The following IER3IP1 variants were observed in gnomAD, a reference collection of about 807,000 sequenced individuals.
IER3IP1 encodes immediate early response 3 interacting protein 1, also known as immediate early response 3-interacting protein 1.
IER3IP1 carries 16 observed loss-of-function variants against 12.2 expected under a neutral mutation model. The observed-to-expected ratio is 1.31, with a 90% CI of 0.89 to 1.99. The LOEUF is 1.99. IER3IP1 is among the 30% of genes most tolerant of loss of function. The pLI is 0.00. For synonymous variants in IER3IP1, 42 were observed against 40.0 expected, an observed-to-expected ratio of 1.05 and a Z score of -0.19; for missense variants, 95 against 95.8, an observed-to-expected ratio of 0.99 and a Z score of 0.03.
intron 1 of IER3IP1, among the ~76,000 whole-genome samples, chr18:47,159,710 A>G (rs2144425696): frequency 6.6e-6 from 1 of 152,286 alleles, no homozygotes; most frequent in African/African-American, 2.4e-5. Flanking sequence ...ATTCCTTAAG[A>G]GCTGGTTGGC....
At chr18:47,157,861 C>T (rs948308504) in intron 1 of IER3IP1, among the ~76,000 whole-genome samples, 1 of 152,062 alleles carries the variant, frequency 6.6e-6, no homozygotes, top group Non-Finnish European at 1.5e-5. Context: ...AAATACTTCT[C>T]AAGTCACAAC....
chr18:47,166,364 G>A (rs959798821), intron 1 of IER3IP1, among the ~76,000 whole-genome samples: 1 of 152,190 alleles, frequency 6.6e-6, no homozygotes, highest in Non-Finnish European at 1.5e-5. Flanking sequence ...GTGATGCTAT[G>A]ACCCATGGAG....
At chr18:47,163,091 C>T (rs1028012315) in intron 1 of IER3IP1, among the ~76,000 whole-genome samples, 1 of 151,914 alleles carries the variant, frequency 6.6e-6, no homozygotes, top group African/African-American at 2.4e-5. Context: ...CCTATATATA[C>T]TATATATATT....
chr18:47,156,040 C>A lies in IER3IP1; in HGVS notation c.*137G>T. 2 of 638,546 alleles carry A rather than the reference C, an allele frequency of 3.1e-6. No individual in the cohort carries two copies. Among genetic ancestry groups the A allele is most frequent in the African/African-American group, 1.9e-5 (1 of 53,426 alleles). The allele number at this position is 638,546 out of a possible 1,614,324, so 39.6% of individuals were successfully genotyped here. On this transcript the variant is annotated 3_prime_UTR_variant, in exon 3 of 3. Coordinates refer to ENST00000256433, the MANE Select transcript of IER3IP1 (RefSeq NM_016097.5). ...AAAAAAAAAAACAGATAAATAGAAACCCTGGTTTTATTTTCAGCTTTACAT... is the reference window on the plus strand; with the variant it reads ...AAAAAAAAAAACAGATAAATAGAAAACCTGGTTTTATTTTCAGCTTTACAT...
chr18:47,157,253 A>G, intron 2 of IER3IP1, 183 bp downstream of exon 2: 1 of 614,162 alleles, frequency 1.6e-6, no homozygotes, highest in Admixed American at 2.9e-5. Context: ...TGGCTTAGAT[A>G]GAAGTAAGAA....
chr18:47,168,550 G>C (rs1454681885), intron 1 of IER3IP1, among the ~76,000 whole-genome samples: 2 of 152,110 alleles, frequency 1.3e-5, no homozygotes, highest in Non-Finnish European at 2.9e-5. Flanking sequence ...CCTGTCTTTT[G>C]CTCAAATTGT....
chr18:47,165,248 C>T lies in IER3IP1; in HGVS notation c.92-7711G>A, dbSNP rs569567614. On this transcript the variant is annotated intron_variant, in intron 1 of 2. Coordinates refer to ENST00000256433, the MANE Select transcript of IER3IP1 (RefSeq NM_016097.5). ...TGCTAATGTAAGTTTTTAAAAAGTA[C>T]CTTTATCAGAAAGATCAATGGTGGC... Among the ~76,000 whole-genome samples the T allele has an allele frequency of 2.0e-5, 3 of 152,220 alleles. No individual in the cohort carries two copies. The South Asian group carries it at 6.2e-4, about 32-fold the overall frequency.
Position 47,168,125 on chromosome 18 carries a change from C to CA in IER3IP1, c.91+8061dup, listed in dbSNP as rs1161198067. On this transcript the variant is annotated intron_variant, in intron 1 of 2. Transcript: ENST00000256433. ...TGGGTGACAGAGCAAGACTCCGTCT[C>CA]AAAAAAAAAAAAAAAAAAAAAAAAA... Among the ~76,000 whole-genome samples the CA allele has an allele frequency of 2.9e-3, 73 of 25,126 alleles. 6 individuals are homozygous for CA. Among genetic ancestry groups the CA allele is most frequent in the East Asian group, 7.7e-3 (6 of 776 alleles). The allele number at this position is 25,126 out of a possible 152,430, so 16.5% of individuals were successfully genotyped here.
chr18:47,156,097 T>G lies in IER3IP1; in HGVS notation c.*80A>C. 2 of 898,882 alleles carry G rather than the reference T, an allele frequency of 2.2e-6. No homozygotes were observed. The highest frequency in any genetic ancestry group is 3.7e-6 in the Non-Finnish European group (2 of 537,164). The allele number at this position is 898,882 out of a possible 1,614,324, so 55.7% of individuals were successfully genotyped here. A position where few individuals can be genotyped will look rare whatever the true frequency, so the allele number is the denominator to read the frequency against. On this transcript the variant is annotated 3_prime_UTR_variant, in exon 3 of 3. Coordinates refer to ENST00000256433, the MANE Select transcript of IER3IP1 (RefSeq NM_016097.5). ...CAAGTGCAAGGTCAGCCAGCTAAGA[T>G]ATAAATATTCCAATAATGACCAAAG...
At chr18:47,166,301 AAAGAT>A (rs2063995826) in intron 1 of IER3IP1, among the ~76,000 whole-genome samples, 1 of 152,234 alleles carries the variant, frequency 6.6e-6, no homozygotes, top group Admixed American at 6.5e-5. Context: ...ACAGAACTGT[AAAGAT>A]AAGAGGATCC....
intron 1 of IER3IP1, among the ~76,000 whole-genome samples, chr18:47,170,112 G>A (rs1164004174): frequency 6.6e-6 from 1 of 152,102 alleles, no homozygotes; most frequent in Non-Finnish European, 1.5e-5. Flanking sequence ...AAGATGGTGT[G>A]AGGTAGGAGT....
chr18:47,162,401 T>C (rs571496414), intron 1 of IER3IP1, among the ~76,000 whole-genome samples: 3 of 130,624 alleles, frequency 2.3e-5, no homozygotes, highest in South Asian at 2.4e-4. Context: ...GAAAGACATA[T>C]CAAATAGAAA....
chr18:47,156,367 CAAAG>C (rs779356888), intron 2 of IER3IP1, 135 bp from the exon 3 acceptor site: 3 of 633,460 alleles, frequency 4.7e-6, no homozygotes, highest in East Asian at 2.7e-5. Flanking sequence ...AAAGTTATAA[CAAAG>C]AAACATTCTA....
chr18:47,157,413 G>A (rs1448055028), intron 2 of IER3IP1, 23 bp downstream of exon 2: 1 of 1,578,034 alleles, frequency 6.3e-7, no homozygotes, highest in East Asian at 2.2e-5. Context: ...ACTTAAGAAT[G>A]CTCTATTAGC....
chr18:47,163,085 T>C (rs996499313), intron 1 of IER3IP1, among the ~76,000 whole-genome samples: 9 of 152,126 alleles, frequency 5.9e-5, no homozygotes, highest in African/African-American at 2.2e-4. Flanking sequence ...CCAAACCCTA[T>C]ATATACTATA....
At chr18:47,175,299 C>G (rs998421221) in intron 1 of IER3IP1, among the ~76,000 whole-genome samples, 2 of 152,176 alleles carry the variant, frequency 1.3e-5, no homozygotes, top group African/African-American at 4.8e-5. Flanking sequence ...TCTGAATAAA[C>G]TTTTCTTGGA....
intron 1 of IER3IP1, among the ~76,000 whole-genome samples, chr18:47,161,963 A>G (rs781118487): frequency 1.2e-4 from 18 of 151,972 alleles, no homozygotes; most frequent in Non-Finnish European, 2.5e-4. Flanking sequence ...ACAGTTCACA[A>G]CAGGGTTCAT....
chr18:47,171,565 T>TAA (rs1467919806), intron 1 of IER3IP1, among the ~76,000 whole-genome samples: 1 of 152,240 alleles, frequency 6.6e-6, no homozygotes, highest in African/African-American at 2.4e-5. Flanking sequence ...GATTTCCCAT[T>TAA]TACTTGAGTC....
chr18:47,165,641 T>A (rs1482091821), intron 1 of IER3IP1, among the ~76,000 whole-genome samples: 2 of 152,122 alleles, frequency 1.3e-5, no homozygotes, highest in African/African-American at 4.8e-5. Flanking sequence ...TAATCCCTGA[T>A]AAAATTCAAC....
Sources: gnomAD v4.1 joint callset for allele counts (sites outside exome capture counted in the v4.1 genomes callset) on GRCh38, gnomAD v4.1.1 for gene constraint, MANE v1.5 for transcripts, NCBI Gene and HGNC (gene_info 2026-07-23, HGNC 2026-07-21) for gene names.